The following CUX1 variants were observed in gnomAD, a reference collection of about 807,000 sequenced individuals.
CUX1 encodes protein CASP.
Under a neutral mutation model 158.8 loss-of-function variants are expected in CUX1, and 31 were observed. That is an observed-to-expected ratio of 0.20 (90% CI 0.15 to 0.26). The LOEUF is 0.26. CUX1 is among the 10% of genes least tolerant of loss of function. The pLI, the probability that CUX1 is intolerant of heterozygous loss-of-function variation, is 1.00. For missense variants in CUX1, 1,589 were observed against 2,014.6 expected (o/e 0.79, Z 4.04); for synonymous variants, 879 against 862.1 (o/e 1.02, Z -0.34).
intron 3 of CUX1, among the ~76,000 whole-genome samples, chr7:102,038,230 T>C (rs1284812805): frequency 2.6e-5 from 4 of 152,210 alleles, no homozygotes; most frequent in Admixed American, 2.6e-4. Context: ...ATCCAGAATG[T>C]GAAGCATACT....
chr7:101,899,851 A>G (rs1801946384), intron 1 of CUX1, among the ~76,000 whole-genome samples: 1 of 152,130 alleles, frequency 6.6e-6, no homozygotes, highest in Non-Finnish European at 1.5e-5. Context: ...CATGGTGTGA[A>G]CTTGGAGAGT....
rs3138788 is a variant in CUX1 at position 102,219,055 on chromosome 7, AACACAC to A, written c.3131-8277_3131-8272del. 1.6e-3 allele frequency among the ~76,000 whole-genome samples: 198 copies of A among 126,350 alleles called. 1 individual carries two copies. The highest frequency in any genetic ancestry group is 2.2e-3 in the Non-Finnish European group (133 of 61,506). The allele number at this position is 126,350 out of a possible 152,430, so 82.9% of individuals were successfully genotyped here. A position where few individuals can be genotyped will look rare whatever the true frequency, so the allele number is the denominator to read the frequency against. ...ACAACAGATCAAGACCCTGCCTCAA[AACACAC>A]ACACACACACACACACACACACACA... On this transcript the variant is annotated intron_variant, in intron 20 of 23. Coordinates refer to ENST00000292535, the MANE Select transcript of CUX1 (RefSeq NM_181552.4).
chr7:101,852,601 G>A (rs1198402202), intron 1 of CUX1, among the ~76,000 whole-genome samples: 1 of 150,616 alleles, frequency 6.6e-6, no homozygotes, highest in Non-Finnish European at 1.5e-5. Flanking sequence ...CTGGGCGACA[G>A]AGCAAGAACC....
At chr7:102,012,977 G>A (rs928668217) in intron 2 of CUX1, among the ~76,000 whole-genome samples, 2 of 152,136 alleles carry the variant, frequency 1.3e-5, no homozygotes, top group African/African-American at 4.8e-5. Flanking sequence ...ATTCCTTGGG[G>A]GAGAAAACTT....
intron 10 of CUX1, among the ~76,000 whole-genome samples, chr7:102,177,975 C>T (rs1792576682): frequency 6.6e-6 from 1 of 152,166 alleles, no homozygotes; most frequent in African/African-American, 2.4e-5. Flanking sequence ...TCAGCGCAAC[C>T]TTCTTCTCCC....
chr7:102,031,724 A>G (rs1820813281), intron 3 of CUX1, among the ~76,000 whole-genome samples: 1 of 152,166 alleles, frequency 6.6e-6, no homozygotes, highest in African/African-American at 2.4e-5. Context: ...TAAAATGGTT[A>G]TACGGGGAAG....
Position 102,170,547 on chromosome 7 carries a change from C to T in CUX1, c.825C>T (p.Asp275=), listed in dbSNP as rs143307709. The T allele has an allele frequency of 2.8e-4, 445 of 1,576,800 alleles. No homozygotes were observed. The highest frequency in any genetic ancestry group is 3.6e-4 in the Non-Finnish European group (418 of 1,160,764). ...QLASQIQKAP[D]VEQAIEVLTR... ...CCTCACAGATCCAGAAGGCACCAGA[C>T]GTGGTGGGTAGCCCCGGCCCCGTGG... The change falls in exon 10 of 24, where the codon GAC becomes GAT. Residue 275 remains aspartate (D), a synonymous_variant. Coordinates refer to ENST00000292535, the MANE Select transcript of CUX1 (RefSeq NM_181552.4).
chr7:101,858,573 A>G (rs1184882011), intron 1 of CUX1, among the ~76,000 whole-genome samples: 1 of 152,160 alleles, frequency 6.6e-6, no homozygotes, highest in African/African-American at 2.4e-5. Flanking sequence ...CACAACAGCA[A>G]ATGCTCAGTG....
At chr7:102,195,441 C>T in intron 13 of CUX1, 66 bp from the exon 14 acceptor site, 1 of 1,341,276 alleles carries the variant, frequency 7.5e-7, no homozygotes, top group South Asian at 1.3e-5. Context: ...GGGCTCCAGG[C>T]CTGGTGGCCC....
Position 102,112,343 on chromosome 7 carries a change from G to A in CUX1, c.607+569G>A, listed in dbSNP as rs553341043. On this transcript the variant is annotated intron_variant, in intron 7 of 23. Coordinates refer to ENST00000292535, the MANE Select transcript of CUX1 (RefSeq NM_181552.4). ...TGCAAGCTCCGCCTCCTGGGTTAAT[G>A]CCATTCTCCTGCCTCAGCCTCCCGA... Among the ~76,000 whole-genome samples, 420 of 148,324 alleles carry A rather than the reference G, an allele frequency of 2.8e-3. 2 individuals carry two copies. Among genetic ancestry groups the A allele is most frequent in the African/African-American group, 0.01 (407 of 39,998 alleles).
At chr7:101,892,052 C>T (rs1048123542) in intron 1 of CUX1, among the ~76,000 whole-genome samples, 2 of 152,162 alleles carry the variant, frequency 1.3e-5, no homozygotes, top group African/African-American at 2.4e-5. Flanking sequence ...AAATCCACTC[C>T]CTAAAAGGCT....
At chr7:101,983,113 C>A (rs1030030110) in intron 2 of CUX1, among the ~76,000 whole-genome samples, 2 of 152,244 alleles carry the variant, frequency 1.3e-5, no homozygotes, top group East Asian at 3.9e-4. Flanking sequence ...TGTAAAATCA[C>A]CAGTGCTGTT....
At chr7:101,906,872 C>G (rs1802817349) in intron 1 of CUX1, among the ~76,000 whole-genome samples, 1 of 152,254 alleles carries the variant, frequency 6.6e-6, no homozygotes, top group South Asian at 2.1e-4. Flanking sequence ...CTCCCTCCCA[C>G]TGTCCCATCT....
chr7:102,088,559 A>G (rs1828188022), intron 4 of CUX1, among the ~76,000 whole-genome samples: 1 of 152,054 alleles, frequency 6.6e-6, no homozygotes, highest in Non-Finnish European at 1.5e-5. Flanking sequence ...TCTTGAATCC[A>G]GTAAGCAGAG....
chr7:102,282,488 C>A (rs1441907329), intron 21 of CUX1, among the ~76,000 whole-genome samples: 9 of 152,164 alleles, frequency 5.9e-5, no homozygotes, highest in African/African-American at 4.8e-5. Context: ...CGGCTCCTGG[C>A]CCTTCCAAGG....
Position 102,044,035 on chromosome 7 carries a change from G to A in CUX1, c.189+15890G>A, listed in dbSNP as rs141329918. On this transcript the variant is annotated intron_variant, in intron 3 of 23. Coordinates refer to ENST00000292535, the MANE Select transcript of CUX1 (RefSeq NM_181552.4). The stretch of plus-strand genomic sequence containing the variant: ...GTCTCACTCTGTTGTGCAGACTGGC[G>A]TGCGGTGGTGCGATCATGGCTCACT... 7.5e-3 allele frequency among the ~76,000 whole-genome samples: 1,143 copies of A among 152,192 alleles called. 8 individuals carry two copies. Among genetic ancestry groups the A allele is most frequent in the Admixed American group, 0.025 (376 of 15,272 alleles).
Position 102,249,509 on chromosome 7 carries a change from C to T in CUX1, c.*467C>T. ...TTTTTTTTATTGCCCTAAGTGATTT[C>T]CACAGGTTCTGGAATAACTCTTACA... On this transcript the variant is annotated 3_prime_UTR_variant, in exon 24 of 24. Transcript: ENST00000292535. The T allele has an allele frequency of 1.0e-6, 1 of 985,842 alleles. No individual in the cohort carries two copies. The highest frequency in any genetic ancestry group is 1.2e-6 in the Non-Finnish European group (1 of 829,940). The allele number at this position is 985,842 out of a possible 1,614,324, so 61.1% of individuals were successfully genotyped here.
At chr7:102,279,145 A>T (rs1206620977) in intron 18 of CUX1, among the ~76,000 whole-genome samples, 1 of 152,178 alleles carries the variant, frequency 6.6e-6, no homozygotes, top group Non-Finnish European at 1.5e-5. Flanking sequence ...GTTCCAGACC[A>T]GCCTGGCCAA....
chr7:102,121,947 G>A (rs1554493626), intron 8 of CUX1, among the ~76,000 whole-genome samples: 1 of 152,060 alleles, frequency 6.6e-6, no homozygotes, highest in Non-Finnish European at 1.5e-5. Context: ...GCCTTTCCCA[G>A]CCTCACAAGC....
Sources: allele counts gnomAD v4.1 joint callset (sites outside exome capture counted in the v4.1 genomes callset), GRCh38; gene constraint gnomAD v4.1.1; transcripts MANE v1.5; gene names NCBI Gene and HGNC (gene_info 2026-07-23, HGNC 2026-07-21).